TMEM272: variants seen among roughly 807,000 people sequenced by gnomAD.
TMEM272 encodes long intergenic non-protein coding RNA 282.
In TMEM272, 8 loss-of-function variants were observed where a neutral mutation model predicts 3.7. The observed-to-expected ratio is 2.17, with a 90% CI of 1.27 to 3.91. The LOEUF (loss-of-function observed/expected upper bound fraction) is 3.91, where lower values mean the gene tolerates loss of function less well. TMEM272 is among the 30% of genes most tolerant of loss of function. TMEM272 has a pLI of 0.00. For synonymous variants in TMEM272, 63 were observed against 39.8 expected (o/e 1.58, Z -2.20); for missense variants, 166 against 91.5 (o/e 1.81, Z -3.32).
the TMEM272 span, among the ~76,000 whole-genome samples, chr13:51,864,653 T>C: frequency 6.6e-6 from 1 of 152,218 alleles, no homozygotes; most frequent in African/African-American, 2.4e-5. Flanking sequence ...CAAAGCTCCT[T>C]GAACACACTT....
chr13:51,918,773 C>T, the TMEM272 span, among the ~76,000 whole-genome samples: 1 of 150,398 alleles, frequency 6.6e-6, no homozygotes, highest in Non-Finnish European at 1.5e-5. Context: ...CACAGGGACA[C>T]GTCACCATGC....
the TMEM272 span, among the ~76,000 whole-genome samples, chr13:51,887,132 C>T: frequency 6.6e-6 from 1 of 152,282 alleles, no homozygotes; most frequent in East Asian, 1.9e-4. Context: ...AGTGTGCTCT[C>T]CACTGCGGTA....
the TMEM272 span, among the ~76,000 whole-genome samples, chr13:51,920,071 G>A: frequency 1.3e-4 from 20 of 152,290 alleles, no homozygotes; most frequent in East Asian, 1.2e-3. Context: ...GTTGCAGTGA[G>A]GAATCCAAGA....
intron 1 of TMEM272, among the ~76,000 whole-genome samples, chr13:51,841,538 G>A (rs148978662): frequency 2.9e-4 from 44 of 152,288 alleles, no homozygotes; most frequent in East Asian, 5.8e-4. Flanking sequence ...AAGAGGTCAC[G>A]CTTTAATCTC....
the TMEM272 span, among the ~76,000 whole-genome samples, chr13:51,920,581 T>G: frequency 6.6e-6 from 1 of 152,188 alleles, no homozygotes; most frequent in Admixed American, 6.5e-5. Context: ...CCTACCCATG[T>G]GCACCAGTGC....
At chr13:51,890,830 A>G in the TMEM272 span, among the ~76,000 whole-genome samples, 1 of 152,204 alleles carries the variant, frequency 6.6e-6, no homozygotes, top group Non-Finnish European at 1.5e-5. Flanking sequence ...CTGTCTATAA[A>G]ACTAAAGTCG....
chr13:51,832,945 A>C (rs776386944), intron 2 of TMEM272, among the ~76,000 whole-genome samples: 6 of 152,178 alleles, frequency 3.9e-5, no homozygotes. Flanking sequence ...AGTACAAATC[A>C]GTGTGTGGAA....
chr13:51,864,120 T>C, the TMEM272 span, among the ~76,000 whole-genome samples: 597 of 151,126 alleles, frequency 4.0e-3, 4 homozygotes, highest in African/African-American at 0.014. Context: ...TCCCTCTCTT[T>C]TTCTTTTCTT....
At chr13:51,883,864 G>A in the TMEM272 span, among the ~76,000 whole-genome samples, 1 of 152,180 alleles carries the variant, frequency 6.6e-6, no homozygotes, top group African/African-American at 2.4e-5. Flanking sequence ...CTCCATCCAT[G>A]TAAAGCTCTG....
chr13:51,840,506 C>A (rs1956252098), intron 1 of TMEM272, among the ~76,000 whole-genome samples: 1 of 152,190 alleles, frequency 6.6e-6, no homozygotes. Context: ...GTTTTGACTG[C>A]AGTGAGATGA....
intron 4 of TMEM272, among the ~76,000 whole-genome samples, chr13:51,818,915 CAGTG>C (rs898354489): frequency 3.3e-5 from 5 of 152,258 alleles, no homozygotes; most frequent in African/African-American, 7.2e-5. Flanking sequence ...CTGAGATCCA[CAGTG>C]AGTAAGAGAA....
chr13:51,836,880 G>A (rs557138189), intron 2 of TMEM272, among the ~76,000 whole-genome samples: 6 of 152,332 alleles, frequency 3.9e-5, no homozygotes, highest in African/African-American at 1.4e-4. Context: ...AGAGTGAGAA[G>A]GGAAGAAGAA....
At chr13:51,825,262 T>C (rs1193963812) in intron 3 of TMEM272, among the ~76,000 whole-genome samples, 2 of 152,362 alleles carry the variant, frequency 1.3e-5, no homozygotes, top group African/African-American at 4.8e-5. Context: ...TCTTCTTTTT[T>C]ATTTCCTGTC....
chr13:51,826,613 A>C lies in TMEM272; in HGVS notation c.71T>G (p.Val24Gly). 1.4e-6 allele frequency: 1 copy of C among 702,634 alleles called. No homozygotes were observed. The highest frequency in any genetic ancestry group is 2.6e-6 in the Non-Finnish European group (1 of 385,014). The allele number at this position is 702,634 out of a possible 1,614,324, so 43.5% of individuals were successfully genotyped here. ...SKIASNACFV[V>G]VLCAFLALPL... ...CAGAGCCAGGAAAGCACAGAGCACAACAACGAAGCAGGCTGCAAGGAGAAG... is the reference window on the plus strand; with the variant it reads ...CAGAGCCAGGAAAGCACAGAGCACACCAACGAAGCAGGCTGCAAGGAGAAG... Residue 24 changes from valine (V) to glycine (G), a missense_variant, in exon 3 of 5, where the codon GTT becomes GGT. Physicochemically the swap from Val to Gly is moderately radical, Grantham distance 109. Coordinates refer to ENST00000629372, the MANE Select transcript of TMEM272 (RefSeq NM_001351003.2).
chr13:51,879,934 T>A, the TMEM272 span, among the ~76,000 whole-genome samples: 1 of 151,322 alleles, frequency 6.6e-6, no homozygotes, highest in Non-Finnish European at 1.5e-5. Flanking sequence ...AAACAGGGAG[T>A]CGAGTCATTA....
At chr13:51,905,191 G>A in the TMEM272 span, among the ~76,000 whole-genome samples, 1 of 152,260 alleles carries the variant, frequency 6.6e-6, no homozygotes, top group African/African-American at 2.4e-5. Context: ...TCAGGCTGAA[G>A]GCAGTTCGTG....
chr13:51,888,647 T>C, the TMEM272 span, among the ~76,000 whole-genome samples: 44 of 105,644 alleles, frequency 4.2e-4, no homozygotes, highest in East Asian at 3.2e-3. Flanking sequence ...TTCTTTTTTT[T>C]TTTTTTTTTT....
chr13:51,858,862 A>C, the TMEM272 span, among the ~76,000 whole-genome samples: 148,282 of 152,178 alleles, frequency 0.97, 72,260 homozygotes, highest in East Asian at 1. Context: ...GCAAACAGTG[A>C]GAACTTCTCG....
chr13:51,868,869 T>C, the TMEM272 span, among the ~76,000 whole-genome samples: 7 of 152,228 alleles, frequency 4.6e-5, no homozygotes, highest in African/African-American at 1.7e-4. Context: ...ACAGCATCTA[T>C]TGTCATAACT....
Sources: allele counts gnomAD v4.1 joint callset (sites outside exome capture counted in the v4.1 genomes callset), GRCh38; gene constraint gnomAD v4.1.1; transcripts MANE v1.5; gene names NCBI Gene and HGNC (gene_info 2026-07-23, HGNC 2026-07-21).